Variants in MAGI2 observed in about 807,000 individuals in gnomAD.
MAGI2 encodes the protein membrane-associated guanylate kinase, WW and PDZ domain-containing protein 2.
Under a neutral mutation model 133.3 loss-of-function variants are expected in MAGI2, and 35 were observed. The ratio of observed to expected loss-of-function variants is 0.26; its 90% CI spans 0.20 to 0.35. The LOEUF (loss-of-function observed/expected upper bound fraction) is 0.35, where lower values mean the gene tolerates loss of function less well. MAGI2 is among the 10% of genes least tolerant of loss of function. The probability of loss-of-function intolerance (pLI) is 1.00; values close to 1 mark genes in which losing one functional copy is unlikely to be tolerated. For synonymous variants in MAGI2, 729 were observed against 710.6 expected (o/e 1.03, Z -0.41); for missense variants, 1,636 against 1,863.4 (o/e 0.88, Z 2.25).
chr7:79,222,193 G>C (rs944861662), intron 1 of MAGI2, among the ~76,000 whole-genome samples: 1 of 151,948 alleles, frequency 6.6e-6, no homozygotes, highest in African/African-American at 2.4e-5. Flanking sequence ...GTTCATAATA[G>C]CATGTAAACT....
intron 9 of MAGI2, among the ~76,000 whole-genome samples, chr7:78,324,815 A>C (rs1010691854): frequency 3.3e-5 from 5 of 151,994 alleles, no homozygotes; most frequent in African/African-American, 1.2e-4. Context: ...AACAACAAAA[A>C]ACTAGCTGGG....
intron 1 of MAGI2, among the ~76,000 whole-genome samples, chr7:79,284,446 A>T (rs567728940): frequency 2.6e-4 from 40 of 152,230 alleles, no homozygotes; most frequent in African/African-American, 7.5e-4. Flanking sequence ...CCACTAGACC[A>T]CATATCACAT....
intron 1 of MAGI2, among the ~76,000 whole-genome samples, chr7:79,050,627 C>T (rs1812589803): frequency 6.6e-6 from 1 of 152,164 alleles, no homozygotes; most frequent in African/African-American, 2.4e-5. Flanking sequence ...AAGGGATCTT[C>T]CTGCCTCAGC....
chr7:78,216,475 A>C (rs892940444), intron 10 of MAGI2, among the ~76,000 whole-genome samples: 4 of 152,202 alleles, frequency 2.6e-5, no homozygotes, highest in African/African-American at 4.8e-5. Context: ...CCTTTGTAGG[A>C]CCCTAGTCTG....
At position 78,987,631 on chromosome 7, in the gene MAGI2, T is replaced by C. The variant is rs138820438; in HGVS notation, c.418+19459A>G. On this transcript the variant is annotated intron_variant, in intron 2 of 21. Transcript: ENST00000354212. ...CACAGACAACTATGGAATATTTATT[T>C]CATCTTCTGTTTTCCCATTAATCTT... Among the ~76,000 whole-genome samples the C allele has an allele frequency of 2.0e-5, 3 of 152,180 alleles. No homozygotes were observed. In the East Asian group the frequency reaches 5.8e-4, roughly 30 times the overall value.
At chr7:78,879,447 T>C (rs890862524) in intron 2 of MAGI2, among the ~76,000 whole-genome samples, 1 of 151,946 alleles carries the variant, frequency 6.6e-6, no homozygotes, top group Non-Finnish European at 1.5e-5. Flanking sequence ...GTAAAACTGG[T>C]CAATGGAAGT....
intron 1 of MAGI2, among the ~76,000 whole-genome samples, chr7:79,241,899 G>A (rs2129555056): frequency 6.6e-6 from 1 of 152,230 alleles, no homozygotes; most frequent in South Asian, 2.1e-4. Context: ...GGCAGACTCA[G>A]CTCATGCATA....
At chr7:79,145,301 C>T (rs1822514293) in intron 1 of MAGI2, among the ~76,000 whole-genome samples, 1 of 151,964 alleles carries the variant, frequency 6.6e-6, no homozygotes, top group South Asian at 2.1e-4. Flanking sequence ...AAAAATCTTC[C>T]ACATATTTCA....
At position 78,166,240 on chromosome 7, in the gene MAGI2, G is replaced by C. The variant is rs1825611394; in HGVS notation, c.2596+1676C>G. 3.3e-5 allele frequency among the ~76,000 whole-genome samples: 5 copies of C among 152,292 alleles called. No individual in the cohort carries two copies. The South Asian group carries it at 1.0e-3, about 32-fold the overall frequency. Reference sequence around the variant, plus strand: ...TTTGCAATAATCAGCTGGTGACAAGGGGAGCATGAAATTATGTTGGTGCAT... The same window carrying C: ...TTTGCAATAATCAGCTGGTGACAAGCGGAGCATGAAATTATGTTGGTGCAT... On this transcript the variant is annotated intron_variant, in intron 15 of 21. Transcript: ENST00000354212.
chr7:78,097,333 A>T (rs1478185876), intron 20 of MAGI2, among the ~76,000 whole-genome samples: 1 of 152,174 alleles, frequency 6.6e-6, no homozygotes, highest in Non-Finnish European at 1.5e-5. Flanking sequence ...AGAGGAATAT[A>T]AGTCATCCTA....
At chr7:78,132,596 T>G (rs1821681874) in intron 18 of MAGI2, among the ~76,000 whole-genome samples, 1 of 152,254 alleles carries the variant, frequency 6.6e-6, no homozygotes. Context: ...GAGTAAGTTC[T>G]TCACTCTGGA....
intron 1 of MAGI2, among the ~76,000 whole-genome samples, chr7:79,241,926 T>G (rs1412469555): frequency 1.3e-5 from 2 of 152,214 alleles, no homozygotes; most frequent in East Asian, 3.9e-4. Context: ...GTTTTCCCTA[T>G]GATTTAATTC....
rs151078323 is a variant in MAGI2 at position 78,610,614 on chromosome 7, T to G, written c.538+16506A>C. On this transcript the variant is annotated intron_variant, in intron 3 of 21. Coordinates refer to ENST00000354212, the MANE Select transcript of MAGI2 (RefSeq NM_012301.4). Reference sequence around the variant, plus strand: ...AAACAGGCTTCTTTATTGCAGAACTTAAATTTTTAAGATTCAATCCGTAAT... The same window carrying G: ...AAACAGGCTTCTTTATTGCAGAACTGAAATTTTTAAGATTCAATCCGTAAT... 1.3e-4 allele frequency among the ~76,000 whole-genome samples: 20 copies of G among 152,342 alleles called. No homozygotes were observed. The East Asian group carries it at 2.9e-3, about 22-fold the overall frequency.
At chr7:78,180,302 C>T (rs1336773102) in intron 13 of MAGI2, among the ~76,000 whole-genome samples, 1 of 152,162 alleles carries the variant, frequency 6.6e-6, no homozygotes, top group East Asian at 1.9e-4. Flanking sequence ...ATCCATATTG[C>T]ACAAGGAGCT....
intron 1 of MAGI2, among the ~76,000 whole-genome samples, chr7:79,433,941 C>T (rs1272738708): frequency 1.3e-5 from 2 of 152,142 alleles, no homozygotes; most frequent in Non-Finnish European, 2.9e-5. Context: ...TTTCTGACTA[C>T]TCAGACAATC....
chr7:78,442,317 C>T (rs1011131386), intron 6 of MAGI2, among the ~76,000 whole-genome samples: 3 of 152,262 alleles, frequency 2.0e-5, no homozygotes, highest in East Asian at 1.9e-4. Flanking sequence ...GTGTCTTATA[C>T]GAATCATCAT....
intron 17 of MAGI2, 175 bp downstream of exon 17, chr7:78,134,846 T>A (rs1821941178): frequency 3.4e-6 from 2 of 589,016 alleles, no homozygotes. Flanking sequence ...AAGATATGGA[T>A]TGCAACTGAG....
intron 3 of MAGI2, among the ~76,000 whole-genome samples, chr7:78,568,958 G>T (rs570090497): frequency 3.6e-4 from 54 of 152,060 alleles, no homozygotes; most frequent in African/African-American, 1.3e-3. Context: ...TCTTCCCTCA[G>T]GCCCTTTCAC....
chr7:78,266,315 C>T (rs1793999825), intron 9 of MAGI2, among the ~76,000 whole-genome samples: 1 of 152,156 alleles, frequency 6.6e-6, no homozygotes, highest in Admixed American at 6.5e-5. Context: ...ATCCTCCCAC[C>T]TCAGCTCCCC....
Sources: gnomAD v4.1 joint callset for allele counts (sites outside exome capture counted in the v4.1 genomes callset) on GRCh38, gnomAD v4.1.1 for gene constraint, MANE v1.5 for transcripts, NCBI Gene and HGNC (gene_info 2026-07-23, HGNC 2026-07-21) for gene names.